Variants in IFTAP observed in about 807,000 individuals in gnomAD.
IFTAP encodes intraflagellar transport associated protein, also known as intraflagellar transport-associated protein.
Under a neutral mutation model 19.4 loss-of-function variants are expected in IFTAP, and 19 were observed. That is an observed-to-expected ratio of 0.98 (90% CI 0.68 to 1.44). The LOEUF (loss-of-function observed/expected upper bound fraction) is 1.44. IFTAP is among the 40% of genes most tolerant of loss of function. The pLI, the probability that IFTAP is intolerant of heterozygous loss-of-function variation, is 0.00. For synonymous variants in IFTAP, 85 were observed against 83.5 expected (o/e 1.02, Z -0.10); for missense variants, 240 against 253.6 (o/e 0.95, Z 0.36).
intron 1 of IFTAP, among the ~76,000 whole-genome samples, chr11:36,604,499 C>T (rs1851622533): frequency 6.6e-6 from 1 of 152,048 alleles, no homozygotes; most frequent in Admixed American, 6.6e-5. Context: ...ATTCTGCTTT[C>T]CCTTTATTCC....
intron 3 of IFTAP, 35 bp from the exon 4 acceptor site, chr11:36,636,016 T>G: frequency 6.8e-7 from 1 of 1,473,610 alleles, no homozygotes; most frequent in Non-Finnish European, 9.5e-7. Context: ...TTTAGGTCTA[T>G]TCTGCTTAAA....
intron 5 of IFTAP, among the ~76,000 whole-genome samples, chr11:36,652,158 A>T (rs542529623): frequency 1.3e-5 from 2 of 152,280 alleles, no homozygotes; most frequent in African/African-American, 4.8e-5. Context: ...GACCATTTTC[A>T]TGATATTGAT....
At chr11:36,652,291 A>G (rs375157281) in intron 5 of IFTAP, among the ~76,000 whole-genome samples, 36 of 152,174 alleles carry the variant, frequency 2.4e-4, no homozygotes, top group African/African-American at 3.4e-4. Context: ...TGGATTCCTA[A>G]GTATTTTATT....
intron 1 of IFTAP, among the ~76,000 whole-genome samples, chr11:36,601,489 C>G (rs1002745712): frequency 6.6e-6 from 1 of 152,116 alleles, no homozygotes; most frequent in Non-Finnish European, 1.5e-5. Flanking sequence ...ATTTCATGAT[C>G]TCTGATTTAA....
intron 2 of IFTAP, among the ~76,000 whole-genome samples, chr11:36,623,785 A>T (rs937874895): frequency 1.3e-5 from 2 of 152,186 alleles, no homozygotes; most frequent in African/African-American, 4.8e-5. Flanking sequence ...TGCCCCTCCA[A>T]TCATTTCGCT....
At chr11:36,610,777 A>C (rs538089142) in intron 2 of IFTAP, among the ~76,000 whole-genome samples, 1 of 152,198 alleles carries the variant, frequency 6.6e-6, no homozygotes, top group Admixed American at 6.5e-5. Context: ...ATACATAATA[A>C]GTACTTACTG....
chr11:36,622,000 A>C (rs973925398), intron 2 of IFTAP, among the ~76,000 whole-genome samples: 6 of 151,966 alleles, frequency 3.9e-5, no homozygotes, highest in African/African-American at 1.4e-4. Context: ...ACAGCCTATG[A>C]GTTAATAAAA....
chr11:36,642,394 C>T (rs1392270498), intron 4 of IFTAP, among the ~76,000 whole-genome samples: 1 of 152,056 alleles, frequency 6.6e-6, no homozygotes, highest in East Asian at 1.9e-4. Flanking sequence ...AAGCCCAGGA[C>T]CAGACAGATT....
At position 36,622,826 on chromosome 11, in the gene IFTAP, T is replaced by C. The variant is rs575513121; in HGVS notation, c.137-10458T>C. Among the ~76,000 whole-genome samples, 6 of 152,302 alleles carry C rather than the reference T, an allele frequency of 3.9e-5. No homozygotes were observed. In the East Asian group the frequency reaches 1.2e-3, roughly 29 times the overall value. ...AAAAAATGTAAAATATTGTCTACAG[T>C]GTTAGTTGTTTATACCCCATTTCTT... is the stretch of plus-strand genomic sequence containing the variant. On this transcript the variant is annotated intron_variant, in intron 2 of 5. Coordinates refer to ENST00000334307, the MANE Select transcript of IFTAP (RefSeq NM_138787.4).
chr11:36,652,311 G>A (rs1391090780), intron 5 of IFTAP, among the ~76,000 whole-genome samples: 2 of 152,136 alleles, frequency 1.3e-5, no homozygotes, highest in Admixed American at 1.3e-4. Flanking sequence ...TCTCTTTGAA[G>A]CAATTGTGAA....
chr11:36,633,285 G>A lies in IFTAP; in HGVS notation c.138G>A (p.Glu46=). ...ATAGTGCATAACTTCTTATTTCAGA[G>A]GATCATGTGTCCAAAAGGGGAGTGT... ...FLNTFTHLSQ[E]DHVSKRGVFG... The change falls in exon 3 of 6, where the codon GAG becomes GAA. Residue 46 remains glutamate (E), a splice_region_variant and synonymous_variant. Transcript: ENST00000334307. The A allele has an allele frequency of 6.5e-7, 1 of 1,536,092 alleles. No individual in the cohort carries two copies. Among genetic ancestry groups the A allele is most frequent in the Non-Finnish European group, 8.7e-7 (1 of 1,145,988 alleles).
At chr11:36,631,928 C>T (rs1852744836) in intron 2 of IFTAP, among the ~76,000 whole-genome samples, 1 of 151,270 alleles carries the variant, frequency 6.6e-6, no homozygotes, top group South Asian at 2.1e-4. Flanking sequence ...TCTTTGTCTC[C>T]TTTCTGGCTC....
At chr11:36,635,467 G>A (rs973532724) in intron 3 of IFTAP, among the ~76,000 whole-genome samples, 4 of 152,144 alleles carry the variant, frequency 2.6e-5, no homozygotes, top group African/African-American at 9.7e-5. Flanking sequence ...CATTTGCCCT[G>A]CTTTTTACCT....
At chr11:36,658,488 AAT>A (rs1354611912) in intron 5 of IFTAP, among the ~76,000 whole-genome samples, 1 of 152,204 alleles carries the variant, frequency 6.6e-6, no homozygotes, top group African/African-American at 2.4e-5. Context: ...TTAAATTTAA[AAT>A]ATGTTTCAAG....
chr11:36,633,410 G>T lies in IFTAP; in HGVS notation c.263G>T (p.Arg88Leu). 1 of 1,596,894 alleles carries T rather than the reference G, an allele frequency of 6.3e-7. No homozygotes were observed. Among genetic ancestry groups the T allele is most frequent in the South Asian group, 1.2e-5 (1 of 86,938 alleles). Residue 88 changes from arginine (R) to leucine (L), a missense_variant, in exon 3 of 6, where the codon CGT becomes CTT. Coordinates refer to ENST00000334307, the MANE Select transcript of IFTAP (RefSeq NM_138787.4). The stretch of plus-strand genomic sequence containing the variant: ...CTTAGAAATAAAACCATCTTTCTTC[G>T]TACTTCATCACAATGTTTGGAAGAA... ...YHLRNKTIFL[R>L]TSSQCLEEQV...
chr11:36,635,864 G>C (rs932482802), intron 3 of IFTAP, among the ~76,000 whole-genome samples, 187 bp from the exon 4 acceptor site: 1 of 152,102 alleles, frequency 6.6e-6, no homozygotes, highest in Non-Finnish European at 1.5e-5. Flanking sequence ...CAAATTTACT[G>C]CTTCTTTCAG....
intron 2 of IFTAP, among the ~76,000 whole-genome samples, chr11:36,631,740 A>G (rs763015558): frequency 1.3e-5 from 2 of 150,424 alleles, no homozygotes; most frequent in Admixed American, 6.6e-5. Flanking sequence ...GGATTCTCCA[A>G]CCCAACAATG....
intron 2 of IFTAP, among the ~76,000 whole-genome samples, chr11:36,616,150 TTCTC>T (rs1398259495): frequency 1.3e-5 from 2 of 151,948 alleles, no homozygotes; most frequent in South Asian, 4.1e-4. Flanking sequence ...AAATCTCTCT[TTCTC>T]TCTCTCACAT....
At chr11:36,608,207 T>C (rs1851761144) in intron 1 of IFTAP, among the ~76,000 whole-genome samples, 2 of 152,246 alleles carry the variant, frequency 1.3e-5, no homozygotes, top group Admixed American at 1.3e-4. Context: ...TTTAGAAGTA[T>C]ATTCTTTAGA....
Sources: gnomAD v4.1 joint callset for allele counts (sites outside exome capture counted in the v4.1 genomes callset) on GRCh38, gnomAD v4.1.1 for gene constraint, MANE v1.5 for transcripts, NCBI Gene and HGNC (gene_info 2026-07-23, HGNC 2026-07-21) for gene names.